The following YWHAZ variants were observed in gnomAD, a reference collection of about 807,000 sequenced individuals.
The protein encoded by YWHAZ is tyrosine 3-monooxygenase/tryptophan 5-monooxygenase activation protein zeta, also known as 14-3-3 protein zeta/delta.
For missense variants in YWHAZ, 79 were observed against 284.8 expected, an observed-to-expected ratio of 0.28 and a Z score of 5.20; for synonymous variants, 87 against 103.6, an observed-to-expected ratio of 0.84 and a Z score of 0.97.
chr8:100,928,064 G>A (rs945590296), intron 2 of YWHAZ, among the ~76,000 whole-genome samples: 4 of 152,206 alleles, frequency 2.6e-5, no homozygotes, highest in Admixed American at 6.5e-5. Flanking sequence ...CGGATCACGA[G>A]GTCAGGAGAT....
chr8:100,952,557 A>G (rs1810880958), upstream of YWHAZ: 1 of 162,158 alleles, frequency 6.2e-6, no homozygotes, highest in Admixed American at 6.5e-5. Context: ...GGGACCTTTC[A>G]CATCCCCCCA....
chr8:100,932,542 T>C (rs1391772252), intron 2 of YWHAZ, among the ~76,000 whole-genome samples: 1 of 152,198 alleles, frequency 6.6e-6, no homozygotes, highest in African/African-American at 2.4e-5. Context: ...ATCATGGTGG[T>C]AGTAATTATT....
At chr8:100,949,228 TCTCAA>T (rs937066445) in intron 1 of YWHAZ, among the ~76,000 whole-genome samples, 3 of 152,188 alleles carry the variant, frequency 2.0e-5, no homozygotes, top group Admixed American at 6.5e-5. Context: ...CTGATCAAAA[TCTCAA>T]CTCATTTCCA....
chr8:100,941,416 C>G (rs1809842508), intron 2 of YWHAZ, among the ~76,000 whole-genome samples: 1 of 152,140 alleles, frequency 6.6e-6, no homozygotes, highest in African/African-American at 2.4e-5. Context: ...CCAGTGGGTT[C>G]CTTGGTATAA....
intron 2 of YWHAZ, among the ~76,000 whole-genome samples, chr8:100,926,997 T>C (rs1813409689): frequency 1.3e-5 from 2 of 152,234 alleles, no homozygotes; most frequent in Non-Finnish European, 2.9e-5. Context: ...TACAGCACTA[T>C]ACACCGTGTG....
At chr8:100,949,007 T>A (rs1179940547) in intron 1 of YWHAZ, 107 bp from the exon 2 acceptor site, 11 of 1,256,112 alleles carry the variant, frequency 8.8e-6, no homozygotes, top group Non-Finnish European at 1.1e-5. Flanking sequence ...CCTAACTGCC[T>A]GTGAAAGACT....
rs1812783285 is a variant in YWHAZ, at chr8:100,918,244, G to A, written c.*2449C>T. On this transcript the variant is annotated 3_prime_UTR_variant, in exon 6 of 6. Transcript: ENST00000395958. ...TGTAATCCCAGCTACTTGGGAGGCT[G>A]AGGCAGGAGAATCGCTTGAACCCAG... is the stretch of plus-strand genomic sequence containing the variant. 1 of 149,524 alleles carries A rather than the reference G, an allele frequency of 6.7e-6. No individual in the cohort carries two copies. The highest frequency in any genetic ancestry group is 1.5e-5 in the Non-Finnish European group (1 of 67,476). 9.3% of individuals were successfully genotyped at this position (149,524 alleles called of 1,614,324 possible).
At chr8:100,932,835 TAATAA>T (rs1340781804) in intron 2 of YWHAZ, among the ~76,000 whole-genome samples, 2 of 152,160 alleles carry the variant, frequency 1.3e-5, no homozygotes, top group Non-Finnish European at 2.9e-5. Context: ...TAAGGGCTAT[TAATAA>T]AATAATGTTT....
chr8:100,938,605 T>C (rs920071603), intron 2 of YWHAZ, among the ~76,000 whole-genome samples: 5 of 152,220 alleles, frequency 3.3e-5, no homozygotes, highest in Admixed American at 6.5e-5. Context: ...AATTCTCTTA[T>C]GCAGAGATAA....
chr8:100,948,194 A>G lies in YWHAZ; in HGVS notation c.294+402T>C, dbSNP rs1333013268. On this transcript the variant is annotated intron_variant, in intron 2 of 5. Transcript: ENST00000395958. This position sits in a 1 kb window ranked among gnomAD's most constrained non-coding sequence, Gnocchi z 4.2. ...TCCTGAGAAGAGTACTATTTCTACA[A>G]TGAGTATCCTATTACATCTCTCTTA... The G allele has an allele frequency of 4.1e-6, 6 of 1,452,704 alleles. No homozygotes were observed. Among genetic ancestry groups the G allele is most frequent in the South Asian group, 1.3e-5 (1 of 78,814 alleles). 90.0% of individuals were successfully genotyped at this position (1,452,704 alleles called of 1,614,324 possible).
chr8:100,949,765 ACC>A (rs1810572987), intron 1 of YWHAZ, among the ~76,000 whole-genome samples: 1 of 152,210 alleles, frequency 6.6e-6, no homozygotes, highest in Non-Finnish European at 1.5e-5. Context: ...ATTGGATGTT[ACC>A]ACTCAAGCTG....
At chr8:100,949,017 T>A in intron 1 of YWHAZ, 117 bp from the exon 2 acceptor site, 1 of 1,192,860 alleles carries the variant, frequency 8.4e-7, no homozygotes, top group Non-Finnish European at 1.2e-6. Context: ...TGTGAAAGAC[T>A]GTTCACATGA....
rs909594547 is a variant in YWHAZ, at chr8:100,924,761, G to A, written c.418+155C>T. On this transcript the variant is annotated intron_variant, in intron 3 of 5. Transcript: ENST00000395958. The surrounding 1 kb of genome is among the most constrained non-coding windows in gnomAD (Gnocchi z 5.7). ...CATTTATTTTAGAATAGCAGTATGA[G>A]GCAGTAGATGTGTATTCTCAGAACA... Among the ~76,000 whole-genome samples, 1 of 152,088 alleles carries A rather than the reference G, an allele frequency of 6.6e-6. No homozygotes were observed. Among genetic ancestry groups the A allele is most frequent in the Non-Finnish European group, 1.5e-5 (1 of 68,038 alleles).
chr8:100,945,128 AT>A (rs1286850363), intron 2 of YWHAZ, among the ~76,000 whole-genome samples: 1 of 152,214 alleles, frequency 6.6e-6, no homozygotes, highest in Non-Finnish European at 1.5e-5. Context: ...ATTAGTTCAC[AT>A]ATTGCAGTTT....
At chr8:100,932,027 A>C (rs1813799755) in intron 2 of YWHAZ, 1 of 152,274 alleles carries the variant, frequency 6.6e-6, no homozygotes, top group Admixed American at 6.5e-5. Flanking sequence ...CAGACTGCTT[A>C]CTGCCTAAAT....
rs183227616 is a variant in YWHAZ at position 100,945,085 on chromosome 8, T to C, written c.294+3511A>G. 7.2e-3 allele frequency among the ~76,000 whole-genome samples: 1,102 copies of C among 152,314 alleles called. 8 individuals carry two copies. Among genetic ancestry groups the C allele is most frequent in the Non-Finnish European group, 0.01 (689 of 68,028 alleles). ...CCCTCCCCAACTACCAAGAGAGCTT[T>C]TGTCTAAGCATCTGGCAGGAAAGGC... On this transcript the variant is annotated intron_variant, in intron 2 of 5. Coordinates refer to ENST00000395958, the MANE Select transcript of YWHAZ (RefSeq NM_145690.3).
intron 2 of YWHAZ, among the ~76,000 whole-genome samples, chr8:100,939,150 C>G (rs1009398119): frequency 1.3e-5 from 2 of 152,130 alleles, no homozygotes; most frequent in Admixed American, 1.3e-4. Flanking sequence ...GTAGCTGCTC[C>G]CTGATATTTA....
At chr8:100,941,810 CAA>C (rs58294305) in intron 2 of YWHAZ, among the ~76,000 whole-genome samples, 1,425 of 113,594 alleles carry the variant, frequency 0.013, 30 homozygotes, top group African/African-American at 0.037. Flanking sequence ...CAAAAAACGA[CAA>C]AAAAAAAAAA....
chr8:100,951,217 A>G (rs2130386350), intron 1 of YWHAZ: 1 of 983,860 alleles, frequency 1.0e-6, no homozygotes, highest in Non-Finnish European at 1.2e-6. Context: ...GCCGGCGCGC[A>G]GCCTCGCCCC....
Sources: gnomAD v4.1 joint callset for allele counts (sites outside exome capture counted in the v4.1 genomes callset) on GRCh38, gnomAD v4.1.1 for gene constraint, Gnocchi (gnomAD v3.1) non-coding constraint, MANE v1.5 for transcripts, NCBI Gene and HGNC (gene_info 2026-07-23, HGNC 2026-07-21) for gene names.